The following APH1B variants were observed in gnomAD, a reference collection of about 807,000 sequenced individuals.
APH1B encodes the protein gamma-secretase subunit APH-1B.
A neutral mutation model predicts 28.2 loss-of-function variants in APH1B; 27 were observed. That is an observed-to-expected ratio of 0.96 (90% confidence interval 0.70 to 1.32). The LOEUF (loss-of-function observed/expected upper bound fraction) is 1.32, where lower values mean the gene tolerates loss of function less well. Ranked by LOEUF, APH1B falls within the 40% of genes most tolerant of loss-of-function variation. The probability of loss-of-function intolerance (pLI) is 0.00; values close to 1 mark genes in which losing one functional copy is unlikely to be tolerated. For synonymous variants in APH1B, 141 were observed against 124.6 expected, an observed-to-expected ratio of 1.13 and a Z score of -0.88; for missense variants, 305 against 313.6, an observed-to-expected ratio of 0.97 and a Z score of 0.21.
chr15:63,305,486 A>T, intron 5 of APH1B, 128 bp from the exon 6 acceptor site: 5 of 1,039,618 alleles, frequency 4.8e-6, no homozygotes, highest in South Asian at 4.6e-5. Context: ...CGCATGACAC[A>T]CATCATACGT....
intron 5 of APH1B, among the ~76,000 whole-genome samples, chr15:63,305,174 A>G (rs1036101820): frequency 6.6e-6 from 1 of 152,252 alleles, no homozygotes; most frequent in African/African-American, 2.4e-5. Context: ...TGTTCTTTAA[A>G]TGAATACACT....
At position 63,282,890 on chromosome 15, in the gene APH1B, G is replaced by A. The variant is rs180714932; in HGVS notation, c.284+3559G>A. 3.7e-3 allele frequency among the ~76,000 whole-genome samples: 565 copies of A among 152,190 alleles called. 3 individuals carry two copies. Among genetic ancestry groups the A allele is most frequent in the African/African-American group, 0.013 (527 of 41,534 alleles). On this transcript the variant is annotated intron_variant, in intron 2 of 5. Transcript: ENST00000261879. ...CTTTCTCTCTCTCACACACACATTCGAAAAAGGATAGAACAAATGAGAAAG... is the reference window on the plus strand; with the variant it reads ...CTTTCTCTCTCTCACACACACATTCAAAAAAGGATAGAACAAATGAGAAAG...
intron 2 of APH1B, among the ~76,000 whole-genome samples, 194 bp downstream of exon 2, chr15:63,279,525 T>G (rs1315312635): frequency 6.6e-6 from 1 of 152,168 alleles, no homozygotes; most frequent in African/African-American, 2.4e-5. Flanking sequence ...CTTCCTTTCT[T>G]CCTTTATTCA....
rs1232464654 is a variant in APH1B at position 63,306,461 on chromosome 15, A to T, written c.*680A>T. The T allele has an allele frequency of 6.6e-6, 1 of 152,224 alleles. No homozygotes were observed. The highest frequency in any genetic ancestry group is 1.5e-5 in the Non-Finnish European group (1 of 68,052). The allele number at this position is 152,224 out of a possible 1,614,324, so 9.4% of individuals were successfully genotyped here. The stretch of plus-strand genomic sequence containing the variant: ...TTTCTGAGGCATTACATTGTTTTTG[A>T]GTATAGATTACATTTTATTAACTAA... On this transcript the variant is annotated 3_prime_UTR_variant, in exon 6 of 6. Coordinates refer to ENST00000261879, the MANE Select transcript of APH1B (RefSeq NM_031301.4).
chr15:63,283,040 G>A (rs2038405820), intron 2 of APH1B, among the ~76,000 whole-genome samples: 1 of 152,144 alleles, frequency 6.6e-6, no homozygotes, highest in African/African-American at 2.4e-5. Flanking sequence ...TAAGATGGAC[G>A]TGAACCCAGA....
rs1257010095 is a variant in APH1B at position 63,307,788 on chromosome 15, A to G, written c.*2007A>G. The stretch of plus-strand genomic sequence containing the variant: ...CTTGAGCTTTGAGGATGTTCTCTGT[A>G]CGCCGATGGTTTCATATTAACTAAA... On this transcript the variant is annotated 3_prime_UTR_variant, in exon 6 of 6. Coordinates refer to ENST00000261879, the MANE Select transcript of APH1B (RefSeq NM_031301.4). 6.6e-6 allele frequency: 1 copy of G among 152,230 alleles called. No homozygotes were observed. The highest frequency in any genetic ancestry group is 1.5e-5 in the Non-Finnish European group (1 of 68,038). 9.4% of individuals were successfully genotyped at this position (152,230 alleles called of 1,614,324 possible).
intron 4 of APH1B, among the ~76,000 whole-genome samples, chr15:63,294,801 T>C (rs1364445667): frequency 6.6e-6 from 1 of 152,220 alleles, no homozygotes; most frequent in Non-Finnish European, 1.5e-5. Context: ...ATCAAAGTCC[T>C]TTGTTTCGGG....
At chr15:63,286,688 T>G (rs1217017625) in intron 3 of APH1B, 60 bp downstream of exon 3, 1 of 1,438,462 alleles carries the variant, frequency 7.0e-7, no homozygotes, top group African/African-American at 1.4e-5. Flanking sequence ...TAAAAGTCAT[T>G]TGCATCTTTT....
At chr15:63,298,592 A>T (rs2038592158) in intron 4 of APH1B, among the ~76,000 whole-genome samples, 1 of 152,100 alleles carries the variant, frequency 6.6e-6, no homozygotes, top group South Asian at 2.1e-4. Context: ...TCACTTTCTC[A>T]CCTGATAGTA....
chr15:63,302,560 G>A lies in APH1B; in HGVS notation c.606+88G>A, dbSNP rs184630088. 2.8e-4 allele frequency: 414 copies of A among 1,466,072 alleles called. No homozygotes were observed. In the African/African-American group the frequency reaches 5.4e-3, roughly 19 times the overall value. The allele number at this position is 1,466,072 out of a possible 1,614,324, so 90.8% of individuals were successfully genotyped here. On this transcript the variant is annotated intron_variant, in intron 5 of 5. Transcript: ENST00000261879. ...AAATTCTACTCTAGATGAAATACAC[G>A]CTCATGAGAACATGAGGAAATTCAG...
At chr15:63,305,174 A>T (rs1036101820) in intron 5 of APH1B, among the ~76,000 whole-genome samples, 2 of 152,252 alleles carry the variant, frequency 1.3e-5, no homozygotes, top group African/African-American at 4.8e-5. Context: ...TGTTCTTTAA[A>T]TGAATACACT....
chr15:63,291,572 TAGA>T (rs1213303332), intron 4 of APH1B: 2 of 152,218 alleles, frequency 1.3e-5, no homozygotes, highest in East Asian at 3.8e-4. Context: ...GTCAGTATGA[TAGA>T]AGATCTAGAA....
intron 4 of APH1B, among the ~76,000 whole-genome samples, chr15:63,290,059 C>G (rs750917047): frequency 6.6e-6 from 1 of 151,720 alleles, no homozygotes; most frequent in Non-Finnish European, 1.5e-5. Flanking sequence ...CCCTAAATAT[C>G]TCATTTTATA....
chr15:63,287,640 T>C, intron 4 of APH1B, 94 bp downstream of exon 4: 1 of 1,471,568 alleles, frequency 6.8e-7, no homozygotes, highest in Non-Finnish European at 9.2e-7. Flanking sequence ...TGGATTGGAA[T>C]TTATGTTATG....
At position 63,290,993 on chromosome 15, in the gene APH1B, C is replaced by T. The variant is rs994424215; in HGVS notation, c.478+3447C>T. On this transcript the variant is annotated intron_variant, in intron 4 of 5. Coordinates refer to ENST00000261879, the MANE Select transcript of APH1B (RefSeq NM_031301.4). ...GGGAAGAGGCCTCTTTCCTCCAGGCCTGGAGGTAAGAGCAGTATTGTTCAC... is the reference window on the plus strand; with the variant it reads ...GGGAAGAGGCCTCTTTCCTCCAGGCTTGGAGGTAAGAGCAGTATTGTTCAC... 1.6e-4 allele frequency among the ~76,000 whole-genome samples: 25 copies of T among 152,112 alleles called. 1 individual carries two copies. The highest frequency in any genetic ancestry group is 6.0e-4 in the African/African-American group (25 of 41,412).
chr15:63,299,987 C>T (rs1304630497), intron 4 of APH1B, among the ~76,000 whole-genome samples: 2 of 152,136 alleles, frequency 1.3e-5, no homozygotes, highest in East Asian at 3.9e-4. Flanking sequence ...CGTGAAGGTG[C>T]TATCCATGAA....
intron 1 of APH1B, chr15:63,277,943 G>T (rs2038343014): frequency 3.4e-6 from 2 of 580,648 alleles, no homozygotes; most frequent in Admixed American, 6.6e-5. Flanking sequence ...AGGGCCTTTT[G>T]CCTGGGGCTC....
At position 63,287,501 on chromosome 15, in the gene APH1B, A is replaced by C. The variant is rs201722662; in HGVS notation, c.433A>C (p.Thr145Pro). 1.9e-6 allele frequency: 3 copies of C among 1,614,012 alleles called. No homozygotes were observed. In the East Asian group the frequency reaches 6.7e-5, roughly 36 times the overall value. ...NTLSDSLGPG[T>P]VGIHGDSPQF... The stretch of plus-strand genomic sequence containing the variant: ...CCTATCTGACTCCTTGGGGCCAGGC[A>C]CAGTGGGCATTCATGGAGATTCTCC... Residue 145 changes from threonine to proline, a missense_variant, in exon 4 of 6, where the codon ACA (threonine) becomes CCA (proline). Coordinates refer to ENST00000261879, the MANE Select transcript of APH1B (RefSeq NM_031301.4).
intron 2 of APH1B, among the ~76,000 whole-genome samples, chr15:63,283,666 C>G (rs1238362029): frequency 2.6e-5 from 4 of 152,036 alleles, no homozygotes; most frequent in Non-Finnish European, 5.9e-5. Flanking sequence ...TGATAGTGTC[C>G]TTTGTAGCAT....
Sources: allele counts gnomAD v4.1 joint callset (sites outside exome capture counted in the v4.1 genomes callset), GRCh38; gene constraint gnomAD v4.1.1; transcripts MANE v1.5; gene names NCBI Gene and HGNC (gene_info 2026-07-23, HGNC 2026-07-21).